The following FRYL variants were observed in gnomAD, a reference collection of about 807,000 sequenced individuals.
FRYL encodes the protein protein furry homolog-like.
FRYL carries 150 observed loss-of-function variants against 351.2 expected under a neutral mutation model. That is an observed-to-expected ratio of 0.43 (90% CI 0.37 to 0.49). FRYL has a LOEUF of 0.49. Among genes scored for constraint, FRYL ranks in the 20% least tolerant of loss-of-function variants. FRYL has a pLI of 0.00. For missense variants in FRYL, 3,036 were observed against 3,619.3 expected (o/e 0.84, Z 4.13); for synonymous variants, 1,153 against 1,257.1 (o/e 0.92, Z 1.75).
In FRYL at chr4:48,715,831, G is replaced by A. The variant is rs943444285; in HGVS notation, c.-383-5133C>T. ...CGCATCGCCAAGTCAATCCTAAGCTGAAAGAACAAAGCTGGAGGCATCATA... is the reference window on the plus strand; with the variant it reads ...CGCATCGCCAAGTCAATCCTAAGCTAAAAGAACAAAGCTGGAGGCATCATA... On this transcript the variant is annotated intron_variant, in intron 1 of 63. Transcript: ENST00000358350. Among the ~76,000 whole-genome samples the A allele has an allele frequency of 2.8e-3, 426 of 152,202 alleles. 1 individual carries two copies. The highest frequency in any genetic ancestry group is 9.8e-3 in the African/African-American group (408 of 41,510).
intron 16 of FRYL, among the ~76,000 whole-genome samples, chr4:48,592,844 C>T (rs765806926): frequency 2.0e-5 from 3 of 152,124 alleles, no homozygotes; most frequent in Admixed American, 6.5e-5. Context: ...GCTGCATTAT[C>T]TTTCCAACTC....
Position 48,522,518 on chromosome 4 carries a change from G to A in FRYL, c.7521+383C>T, listed in dbSNP as rs779887733. On this transcript the variant is annotated intron_variant, in intron 54 of 63. Transcript: ENST00000358350. ...TTTTCCACTGACTCTACTTGATCTC[G>A]AAAGGGACCAAACTTGTGCTCTGTT... is the stretch of plus-strand genomic sequence containing the variant. Among the ~76,000 whole-genome samples, 3 of 152,122 alleles carry A rather than the reference G, an allele frequency of 2.0e-5. 1 individual carries two copies. Among genetic ancestry groups the A allele is most frequent in the East Asian group, 3.9e-4 (2 of 5,182 alleles).
rs780226928 is a variant in FRYL, at chr4:48,575,238, T to C, written c.2725A>G (p.Ile909Val). The C allele has an allele frequency of 8.7e-6, 14 of 1,612,170 alleles. No homozygotes were observed. The East Asian group carries it at 2.5e-4, about 28-fold the overall frequency. The change falls in exon 25 of 64, where the codon ATT becomes GTT. Residue 909 changes from isoleucine (I) to valine (V), a missense_variant. Transcript: ENST00000358350. Reference sequence around the variant, plus strand: ...AAGGATGAAGGGGATGGGATGCCAATAATCTGGAAAAAAAATATCGTATTT... The same window carrying C: ...AAGGATGAAGGGGATGGGATGCCAACAATCTGGAAAAAAAATATCGTATTT... ...DSGYSIDSKI[I>V]GIPSPSSLFK...
chr4:48,515,872 A>C (rs1366639181), intron 55 of FRYL, among the ~76,000 whole-genome samples: 1 of 152,184 alleles, frequency 6.6e-6, no homozygotes. Flanking sequence ...ACTCTACACA[A>C]GTAAAACTTT....
At chr4:48,639,317 T>G (rs566425240) in intron 3 of FRYL, among the ~76,000 whole-genome samples, 1 of 152,160 alleles carries the variant, frequency 6.6e-6, no homozygotes, top group South Asian at 2.1e-4. Flanking sequence ...CAAGACAGTA[T>G]GGTACTGATT....
chr4:48,692,650 C>T (rs1177542203), intron 2 of FRYL, among the ~76,000 whole-genome samples: 1 of 152,178 alleles, frequency 6.6e-6, no homozygotes, highest in Non-Finnish European at 1.5e-5. Flanking sequence ...GCCTTGGCCT[C>T]CCTAAGTGCT....
chr4:48,697,724 C>T (rs2149570385), intron 2 of FRYL, among the ~76,000 whole-genome samples: 1 of 152,278 alleles, frequency 6.6e-6, no homozygotes, highest in South Asian at 2.1e-4. Context: ...GGTGATCCAC[C>T]CGCATGGGCC....
intron 4 of FRYL, among the ~76,000 whole-genome samples, chr4:48,630,862 G>T (rs1183035610): frequency 6.6e-6 from 1 of 152,018 alleles, no homozygotes; most frequent in African/African-American, 2.4e-5. Flanking sequence ...CATGAGCAAG[G>T]CCAGCCTCCT....
intron 3 of FRYL, among the ~76,000 whole-genome samples, chr4:48,649,478 CT>C (rs1757206891): frequency 6.6e-6 from 1 of 152,162 alleles, no homozygotes; most frequent in Non-Finnish European, 1.5e-5. Context: ...AATTAATATG[CT>C]TACAAGAGGT....
At chr4:48,531,383 G>C in intron 49 of FRYL, 30 bp from the exon 50 acceptor site, 2 of 1,421,588 alleles carry the variant, frequency 1.4e-6, no homozygotes, top group Non-Finnish European at 9.9e-7. Context: ...ACACGTAAAA[G>C]TTACAAATGC....
chr4:48,556,353 T>C (rs934278661), intron 35 of FRYL, among the ~76,000 whole-genome samples: 3 of 152,252 alleles, frequency 2.0e-5, no homozygotes, highest in African/African-American at 7.2e-5. Flanking sequence ...ATATCAAATG[T>C]GTCCTCTTGA....
chr4:48,769,547 A>G (rs1209758868), intron 1 of FRYL, among the ~76,000 whole-genome samples: 1 of 152,232 alleles, frequency 6.6e-6, no homozygotes, highest in Non-Finnish European at 1.5e-5. Flanking sequence ...AAAACTAAAC[A>G]TACACTTACA....
intron 1 of FRYL, among the ~76,000 whole-genome samples, chr4:48,752,526 C>T (rs931689846): frequency 9.9e-5 from 15 of 152,218 alleles, no homozygotes; most frequent in Admixed American, 4.6e-4. Context: ...ATTTAATCAT[C>T]GTTCCATGAA....
At chr4:48,644,843 T>C (rs1756070929) in intron 3 of FRYL, among the ~76,000 whole-genome samples, 1 of 151,788 alleles carries the variant, frequency 6.6e-6, no homozygotes, top group Non-Finnish European at 1.5e-5. Flanking sequence ...TAAAGATAAA[T>C]GCATTTAACC....
chr4:48,702,875 C>G (rs58763365), intron 2 of FRYL, among the ~76,000 whole-genome samples: 1 of 149,630 alleles, frequency 6.7e-6, no homozygotes, highest in African/African-American at 2.5e-5. Flanking sequence ...AGAATTGACA[C>G]AGCAAAAGAA....
chr4:48,585,621 G>A (rs1400979316), intron 19 of FRYL, among the ~76,000 whole-genome samples: 5 of 152,162 alleles, frequency 3.3e-5, no homozygotes, highest in East Asian at 1.9e-4. Context: ...TTATTGGAAC[G>A]CAGTCATGCG....
rs1730983128 is a variant in FRYL, at chr4:48,544,813, C to G, written c.5371G>C (p.Val1791Leu). The G allele has an allele frequency of 6.2e-7, 1 of 1,604,066 alleles. No individual in the cohort carries two copies. The highest frequency in any genetic ancestry group is 8.5e-7 in the Non-Finnish European group (1 of 1,176,390). The change falls in exon 43 of 64, where the codon GTG becomes CTG. Residue 1791 changes from valine to leucine, a missense_variant. Val to Leu is a conservative substitution (Grantham distance 32, BLOSUM62 1). Around this residue, in one of 7 missense-constraint regions of FRYL, gnomAD observed 1,987 missense variants for 2,311.7 expected, o/e 0.86. Coordinates refer to ENST00000358350, the MANE Select transcript of FRYL (RefSeq NM_015030.2). Reference sequence around the variant, plus strand: ...CTTGACTGCTTAAAAACAGAAACCACATGTTTCAAAAATGTAGTTAACTGT... The same window carrying G: ...CTTGACTGCTTAAAAACAGAAACCAGATGTTTCAAAAATGTAGTTAACTGT... ...AEQLTTFLKH[V>L]VSVFKQSSSE...
Position 48,682,008 on chromosome 4 carries a change from C to G in FRYL, c.-81+2665G>C, listed in dbSNP as rs1284421196. Reference sequence around the variant, plus strand: ...TGAAAACTGAAAGTTCTCTCCCTTCCTTTGCCTGCCCTCTTGTGGGGTTGT... The same window carrying G: ...TGAAAACTGAAAGTTCTCTCCCTTCGTTTGCCTGCCCTCTTGTGGGGTTGT... On this transcript the variant is annotated intron_variant, in intron 3 of 63. Coordinates refer to ENST00000358350, the MANE Select transcript of FRYL (RefSeq NM_015030.2). Among the ~76,000 whole-genome samples, 3 of 152,152 alleles carry G rather than the reference C, an allele frequency of 2.0e-5. No individual in the cohort carries two copies. The East Asian group carries it at 5.8e-4, about 29-fold the overall frequency.
Position 48,514,614 on chromosome 4 carries a change from C to T in FRYL, c.7937+414G>A, listed in dbSNP as rs191368734. ...TAGAAATAAAACTTTAAAAATATGA[C>T]CACTGATCATGAAACTGTAAAAACA... On this transcript the variant is annotated intron_variant, in intron 56 of 63. Transcript: ENST00000358350. Among the ~76,000 whole-genome samples, 754 of 152,230 alleles carry T rather than the reference C, an allele frequency of 5.0e-3. 4 individuals are homozygous for T. Among genetic ancestry groups the T allele is most frequent in the African/African-American group, 0.017 (722 of 41,544 alleles).
Sources: allele counts gnomAD v4.1 joint callset (sites outside exome capture counted in the v4.1 genomes callset), GRCh38; gene constraint gnomAD v4.1.1; regional missense constraint gnomAD v4.1.1; transcripts MANE v1.5; gene names NCBI Gene and HGNC (gene_info 2026-07-23, HGNC 2026-07-21).